KLRG1: variants seen among roughly 807,000 people sequenced by gnomAD.
The protein encoded by KLRG1 is killer cell lectin like receptor G1, also known as killer cell lectin-like receptor subfamily G member 1.
KLRG1 carries 16 observed loss-of-function variants against 21.8 expected under a neutral mutation model. That is an observed-to-expected ratio of 0.73 (90% CI 0.50 to 1.11). The LOEUF (loss-of-function observed/expected upper bound fraction) is 1.11, where lower values mean the gene tolerates loss of function less well. Among genes scored for constraint, KLRG1 ranks in the 50% most tolerant of loss-of-function variants. KLRG1 has a pLI of 0.00. For synonymous variants in KLRG1, 69 were observed against 75.9 expected, an observed-to-expected ratio of 0.91 and a Z score of 0.47; for missense variants, 173 against 218.3, an observed-to-expected ratio of 0.79 and a Z score of 1.31.
chr12:9,197,632 ATATAT>A, the KLRG1 span, among the ~76,000 whole-genome samples: 5 of 71,428 alleles, frequency 7.0e-5, no homozygotes, highest in Non-Finnish European at 9.8e-5. Flanking sequence ...ATATTATATT[ATATAT>A]TATATTATAT....
At chr12:8,978,572 G>A (rs1268706474) in intron 1 of KLRG1, among the ~76,000 whole-genome samples, 1 of 152,106 alleles carries the variant, frequency 6.6e-6, no homozygotes, top group Non-Finnish European at 1.5e-5. Context: ...CTCTTGGTCT[G>A]TGAGGTTTAG....
chr12:8,957,831 T>C (rs767057046), intron 1 of KLRG1, among the ~76,000 whole-genome samples: 2 of 152,320 alleles, frequency 1.3e-5, no homozygotes, highest in African/African-American at 4.8e-5. Flanking sequence ...ATCACAGTAC[T>C]CAGAACAGCA....
At chr12:9,033,759 T>G in the KLRG1 span, among the ~76,000 whole-genome samples, 1 of 152,094 alleles carries the variant, frequency 6.6e-6, no homozygotes, top group Non-Finnish European at 1.5e-5. Context: ...TAAGGTGGGG[T>G]GGCTTCAAGG....
At chr12:9,024,094 C>T in the KLRG1 span, among the ~76,000 whole-genome samples, 1 of 123,230 alleles carries the variant, frequency 8.1e-6, no homozygotes, top group East Asian at 2.5e-4. Flanking sequence ...AGTGGGTGAT[C>T]TCAGCTTACT....
At chr12:9,097,632 C>CT in the KLRG1 span, among the ~76,000 whole-genome samples, 2,382 of 127,092 alleles carry the variant, frequency 0.019, 63 homozygotes, top group African/African-American at 0.046. Context: ...TGATGTAATT[C>CT]TTTTTTTTTT....
At chr12:9,101,034 G>A in the KLRG1 span, 1 of 996,736 alleles carries the variant, frequency 1.0e-6, no homozygotes, top group East Asian at 2.6e-5. Context: ...AACACCACCT[G>A]TTCCCCCAAA....
chr12:9,101,196 C>T, the KLRG1 span: 123 of 1,559,498 alleles, frequency 7.9e-5, no homozygotes, highest in Admixed American at 1.5e-4. Context: ...CAATGCCTCC[C>T]TTTGCCATTA....
At chr12:9,162,733 G>A in the KLRG1 span, 5 of 1,068,784 alleles carry the variant, frequency 4.7e-6, no homozygotes, top group Admixed American at 2.1e-5. Context: ...TTGATGGGTA[G>A]GGTTTACACG....
the KLRG1 span, among the ~76,000 whole-genome samples, chr12:9,096,451 T>C: frequency 6.6e-6 from 1 of 152,248 alleles, no homozygotes; most frequent in East Asian, 1.9e-4. Context: ...AATGGGTGCA[T>C]GTTCTAAACA....
chr12:9,169,391 C>A, the KLRG1 span: 1 of 1,507,458 alleles, frequency 6.6e-7, no homozygotes, highest in Non-Finnish European at 9.0e-7. Context: ...CATTCAAAAA[C>A]TCACAAGCCA....
At chr12:9,083,754 GAA>G in the KLRG1 span, among the ~76,000 whole-genome samples, 29 of 142,508 alleles carry the variant, frequency 2.0e-4, no homozygotes, top group African/African-American at 3.6e-4. Flanking sequence ...TATAGAATCA[GAA>G]AAAAAAAAAA....
chr12:9,208,281 T>G, the KLRG1 span: 1 of 1,613,676 alleles, frequency 6.2e-7, no homozygotes, highest in Non-Finnish European at 8.5e-7. Context: ...TTTGAGTCAC[T>G]GGCAGAAAGC....
chr12:9,095,909 G>A, the KLRG1 span, among the ~76,000 whole-genome samples: 4 of 151,326 alleles, frequency 2.6e-5, no homozygotes, highest in East Asian at 3.9e-4. Context: ...ACAGGCGCCC[G>A]CCACCGCGCC....
At chr12:9,133,793 C>G in the KLRG1 span, among the ~76,000 whole-genome samples, 1 of 152,052 alleles carries the variant, frequency 6.6e-6, no homozygotes, top group Non-Finnish European at 1.5e-5. Flanking sequence ...AAGAGAATCA[C>G]GGTGAAAATA....
the KLRG1 span, among the ~76,000 whole-genome samples, chr12:9,039,900 C>T: frequency 2.6e-5 from 4 of 152,110 alleles, no homozygotes; most frequent in African/African-American, 4.8e-5. Context: ...AAAATGCCTG[C>T]GCAATGCATT....
chr12:9,165,436 T>A, the KLRG1 span: 1 of 1,559,562 alleles, frequency 6.4e-7, no homozygotes. Flanking sequence ...TGAGAATTAA[T>A]ATGCATAAAG....
At chr12:9,199,143 A>T in the KLRG1 span, among the ~76,000 whole-genome samples, 2 of 152,080 alleles carry the variant, frequency 1.3e-5, no homozygotes, top group Non-Finnish European at 2.9e-5. Context: ...GTAAGTTCTG[A>T]TAGGGGAGGC....
the KLRG1 span, chr12:9,162,756 C>A: frequency 1.1e-6 from 1 of 902,102 alleles, no homozygotes; most frequent in Admixed American, 2.4e-5. Flanking sequence ...TGATGTTTAC[C>A]ATCCTACTCT....
chr12:9,146,453 A>G, the KLRG1 span, among the ~76,000 whole-genome samples: 70 of 152,192 alleles, frequency 4.6e-4, 2 homozygotes, highest in African/African-American at 1.6e-3. Flanking sequence ...CTTTATGAGA[A>G]TTATTTTGAA....
Sources: allele counts gnomAD v4.1 joint callset (sites outside exome capture counted in the v4.1 genomes callset), GRCh38; gene constraint gnomAD v4.1.1; transcripts MANE v1.5; gene names NCBI Gene and HGNC (gene_info 2026-07-23, HGNC 2026-07-21).